BRAP: variants seen among roughly 807,000 people sequenced by gnomAD.
BRAP encodes BRCA1 associated protein.
In BRAP, 42 loss-of-function variants were observed where a neutral mutation model predicts 73.4. That is an observed-to-expected ratio of 0.57 (90% CI 0.45 to 0.74). The LOEUF is 0.74. BRAP is among the 30% of genes least tolerant of loss of function. The probability of loss-of-function intolerance (pLI) is 0.00; values close to 1 mark genes in which losing one functional copy is unlikely to be tolerated. For synonymous variants in BRAP, 255 were observed against 267.4 expected, an observed-to-expected ratio of 0.95 and a Z score of 0.45; for missense variants, 593 against 751.4, an observed-to-expected ratio of 0.79 and a Z score of 2.46.
chr12:111,670,150 TC>T (rs1887111687), intron 5 of BRAP: 3 of 615,884 alleles, frequency 4.9e-6, no homozygotes, highest in Non-Finnish European at 9.5e-6. Flanking sequence ...TTCTTTGTCA[TC>T]CAACTAAGGC....
chr12:111,681,370 CAAA>C (rs80154506), intron 3 of BRAP, among the ~76,000 whole-genome samples: 1 of 125,360 alleles, frequency 8.0e-6, no homozygotes. Flanking sequence ...AACTCCATTT[CAAA>C]AAAAAAAAAA....
At chr12:111,645,255 G>A (rs1025505388) in intron 11 of BRAP, among the ~76,000 whole-genome samples, 4 of 151,534 alleles carry the variant, frequency 2.6e-5, no homozygotes, top group African/African-American at 9.7e-5. Context: ...TTTTAGTAGC[G>A]ACGGGGTTTC....
rs1455559778 is a variant in BRAP at position 111,665,520 on chromosome 12, A to C, written c.896+119T>G. On this transcript the variant is annotated intron_variant, in intron 6 of 11. Transcript: ENST00000419234. The surrounding 1 kb of genome is among the most constrained non-coding windows in gnomAD (Gnocchi z 4.3). ...CTGAACTTAGGAAAGGGAAGGAGAA[A>C]AAGGACCTCTTGAATAAAGTCAAAT... 1 of 1,389,560 alleles carries C rather than the reference A, an allele frequency of 7.2e-7. No individual in the cohort carries two copies. Among genetic ancestry groups the C allele is most frequent in the Non-Finnish European group, 9.7e-7 (1 of 1,028,060 alleles). The allele number at this position is 1,389,560 out of a possible 1,614,324, so 86.1% of individuals were successfully genotyped here. A position where few individuals can be genotyped will look rare whatever the true frequency, so the allele number is the denominator to read the frequency against.
Position 111,665,509 on chromosome 12 carries a change from G to T in BRAP, c.896+130C>A. On this transcript the variant is annotated intron_variant, in intron 6 of 11. Transcript: ENST00000419234. This position sits in a 1 kb window ranked among gnomAD's most constrained non-coding sequence, Gnocchi z 4.3. ...ATGCCGATTCCCTGAACTTAGGAAA[G>T]GGAAGGAGAAAAAGGACCTCTTGAA... 1 of 1,305,260 alleles carries T rather than the reference G, an allele frequency of 7.7e-7. No individual in the cohort carries two copies. The highest frequency in any genetic ancestry group is 1.0e-6 in the Non-Finnish European group (1 of 959,758). 80.9% of individuals were successfully genotyped at this position (1,305,260 alleles called of 1,614,324 possible). A position where few individuals can be genotyped will look rare whatever the true frequency, so the allele number is the denominator to read the frequency against.
At chr12:111,670,696 G>A (rs997944841) in intron 5 of BRAP, among the ~76,000 whole-genome samples, 8 of 152,154 alleles carry the variant, frequency 5.3e-5, no homozygotes, top group Non-Finnish European at 1.0e-4. Flanking sequence ...CCTCATGTTG[G>A]CCAGGCTGGT....
At chr12:111,648,638 T>TA (rs1020700551) in intron 11 of BRAP, among the ~76,000 whole-genome samples, 1 of 137,610 alleles carries the variant, frequency 7.3e-6, no homozygotes, top group African/African-American at 2.8e-5. Flanking sequence ...TGTCTAAAAA[T>TA]AAAGATGGGC....
intron 9 of BRAP, among the ~76,000 whole-genome samples, chr12:111,658,484 C>T (rs1235742362): frequency 6.6e-6 from 1 of 151,994 alleles, no homozygotes; most frequent in Non-Finnish European, 1.5e-5. Flanking sequence ...TGCCACCATG[C>T]CCAGCTAATT....
At chr12:111,651,711 C>T (rs1401669653) in intron 10 of BRAP, among the ~76,000 whole-genome samples, 1 of 141,668 alleles carries the variant, frequency 7.1e-6, no homozygotes. Context: ...TATCTTGGCT[C>T]ACTACAACCT....
At chr12:111,679,129 T>TA (rs766871833) in intron 4 of BRAP, 22 bp downstream of exon 4, 1 of 1,440,560 alleles carries the variant, frequency 6.9e-7, no homozygotes, top group Non-Finnish European at 9.3e-7. Flanking sequence ...AAGAGATTTT[T>TA]AATAAATTTA....
rs1187448480 is a variant in BRAP at position 111,650,033 on chromosome 12, T to A, written c.1321A>T (p.Met441Leu). ...EKDTAEEINN[M>L]KTKFKETIEK... is the part of the protein sequence containing the mutation. ...ATTGTTTCTTTAAACTTGGTCTTCA[T>A]GTTGTTAATCTGAAAGAGCAAAGAG... Residue 441 changes from methionine to leucine, a missense_variant, in exon 11 of 12, where the codon ATG becomes TTG. By Grantham distance (15) the Met-to-Leu change is conservative (BLOSUM62 2). Coordinates refer to ENST00000419234, the MANE Select transcript of BRAP (RefSeq NM_006768.5). 4 of 1,601,386 alleles carry A rather than the reference T, an allele frequency of 2.5e-6. No individual in the cohort carries two copies. Among genetic ancestry groups the A allele is most frequent in the African/African-American group, 1.3e-5 (1 of 74,754 alleles).
chr12:111,679,292 A>G lies in BRAP; in HGVS notation c.492T>C (p.Cys164=), dbSNP rs139620390. 14 of 1,606,128 alleles carry G rather than the reference A, an allele frequency of 8.7e-6. No individual in the cohort carries two copies. The African/African-American group carries it at 1.9e-4, about 21-fold the overall frequency. ...TCATTGCAGCAGGGACTGTGAGAATACACAGCATGGCACTGCGCCGCACAT... is the reference window on the plus strand; with the variant it reads ...TCATTGCAGCAGGGACTGTGAGAATGCACAGCATGGCACTGCGCCGCACAT... The part of the protein sequence containing the change: ...KEDVRRSAML[C]ILTVPAAMTS... The change falls in exon 4 of 12, where the codon TGT becomes TGC. Residue 164 remains cysteine (C), a synonymous_variant. Transcript: ENST00000419234.
At chr12:111,646,784 A>C (rs1223977057) in intron 11 of BRAP, among the ~76,000 whole-genome samples, 3 of 152,194 alleles carry the variant, frequency 2.0e-5, no homozygotes, top group Non-Finnish European at 4.4e-5. Context: ...AAAATAAATA[A>C]ATAAAAACAA....
chr12:111,662,945 TA>T (rs76679225), intron 6 of BRAP, among the ~76,000 whole-genome samples: 162 of 114,920 alleles, frequency 1.4e-3, no homozygotes, highest in East Asian at 3.1e-3. Flanking sequence ...AAAGCCCTTC[TA>T]AAAAAAAAAA....
chr12:111,659,423 G>C, intron 7 of BRAP, 78 bp from the exon 8 acceptor site: 1 of 1,390,190 alleles, frequency 7.2e-7, no homozygotes, highest in Non-Finnish European at 9.8e-7. Context: ...GGAGGCCGAG[G>C]CAGATGGATC....
chr12:111,675,399 C>T (rs905165641), intron 4 of BRAP, among the ~76,000 whole-genome samples: 2 of 151,284 alleles, frequency 1.3e-5, no homozygotes, highest in Non-Finnish European at 2.9e-5. Context: ...CATCACTAAA[C>T]AGCTGAGATT....
At chr12:111,683,445 A>C (rs1385936444) in intron 1 of BRAP, 138 bp from the exon 2 acceptor site, 37 of 974,300 alleles carry the variant, frequency 3.8e-5, no homozygotes, top group Non-Finnish European at 5.1e-5. Flanking sequence ...TATCCATCTC[A>C]CTCAACTCTG....
chr12:111,672,480 GAAGA>G (rs949402363), intron 5 of BRAP, among the ~76,000 whole-genome samples, 177 bp downstream of exon 5: 40 of 152,208 alleles, frequency 2.6e-4, no homozygotes, highest in African/African-American at 9.4e-4. Context: ...ATCACTTCCA[GAAGA>G]AAGCCTGTAT....
intron 5 of BRAP, 88 bp downstream of exon 5, chr12:111,672,573 T>G: frequency 8.5e-7 from 1 of 1,176,434 alleles, no homozygotes; most frequent in Non-Finnish European, 1.2e-6. Context: ...TGGACTGGCC[T>G]ATTCTGGGTA....
chr12:111,651,850 C>T (rs908560254), intron 10 of BRAP, among the ~76,000 whole-genome samples: 3 of 151,812 alleles, frequency 2.0e-5, no homozygotes, highest in African/African-American at 7.3e-5. Flanking sequence ...ATTGGCCAAG[C>T]TGGTCTTGAA....
Sources: gnomAD v4.1 joint callset for allele counts (sites outside exome capture counted in the v4.1 genomes callset) on GRCh38, gnomAD v4.1.1 for gene constraint, Gnocchi (gnomAD v3.1) non-coding constraint, MANE v1.5 for transcripts, NCBI Gene and HGNC (gene_info 2026-07-23, HGNC 2026-07-21) for gene names.